The following SLC39A8 variants were observed in gnomAD, a reference collection of about 807,000 sequenced individuals.
The protein encoded by SLC39A8 is metal cation symporter ZIP8.
A neutral mutation model predicts 40.4 loss-of-function variants in SLC39A8; 15 were observed. The ratio of observed to expected loss-of-function variants is 0.37; its 90% confidence interval spans 0.25 to 0.57. The LOEUF (loss-of-function observed/expected upper bound fraction) is 0.57, where lower values mean the gene tolerates loss of function less well. Ranked by LOEUF, SLC39A8 falls within the 20% of genes least tolerant of loss-of-function variation. The pLI, the probability that SLC39A8 is intolerant of heterozygous loss-of-function variation, is 0.75. For missense variants in SLC39A8, 472 were observed against 558.8 expected, an observed-to-expected ratio of 0.84 and a Z score of 1.57; for synonymous variants, 223 against 221.6, an observed-to-expected ratio of 1.01 and a Z score of -0.06.
downstream of SLC39A8, among the ~76,000 whole-genome samples, chr4:102,257,628 G>C (rs1237291208): frequency 2.0e-5 from 3 of 152,134 alleles, no homozygotes; most frequent in African/African-American, 4.8e-5. Context: ...GTCTCTGGAG[G>C]CAAAAAGCAG....
chr4:102,254,698 A>G (rs1731670181), intron 11 of SLC39A8, among the ~76,000 whole-genome samples: 1 of 152,178 alleles, frequency 6.6e-6, no homozygotes, highest in Non-Finnish European at 1.5e-5. Flanking sequence ...TCCTACATTA[A>G]ACATCTTCCT....
rs1560523651 is a variant in SLC39A8, at chr4:102,262,570, T to A, written c.*474A>T. The stretch of plus-strand genomic sequence containing the variant: ...AGACTTGGAATAATTTATATTAGTG[T>A]TGCATACATTTTACCTTCTACATTT... On this transcript the variant is annotated 3_prime_UTR_variant, in exon 9 of 9. Coordinates refer to ENST00000356736, the MANE Select transcript of SLC39A8 (RefSeq NM_001135146.2). 1 of 985,380 alleles carries A rather than the reference T, an allele frequency of 1.0e-6. No homozygotes were observed. Among genetic ancestry groups the A allele is most frequent in the Non-Finnish European group, 1.2e-6 (1 of 829,724 alleles). 61.0% of individuals were successfully genotyped at this position (985,380 alleles called of 1,614,324 possible).
intron 3 of SLC39A8, 35 bp downstream of exon 3, chr4:102,315,631 CTT>C (rs758449379): frequency 2.6e-6 from 4 of 1,563,320 alleles, no homozygotes; most frequent in Middle Eastern, 1.7e-4. Context: ...GGTTCATAGA[CTT>C]TTCAAATAAA....
chr4:102,342,343 A>G (rs1270092569), intron 2 of SLC39A8, among the ~76,000 whole-genome samples: 3 of 152,232 alleles, frequency 2.0e-5, no homozygotes, highest in Non-Finnish European at 4.4e-5. Context: ...TCTACTAAAA[A>G]TACAAATTAG....
At chr4:102,315,931 G>T in intron 2 of SLC39A8, 101 bp from the exon 3 acceptor site, 1 of 964,296 alleles carries the variant, frequency 1.0e-6, no homozygotes. Context: ...TAGATGCACA[G>T]CACTCTTTAT....
intron 4 of SLC39A8, among the ~76,000 whole-genome samples, chr4:102,305,648 C>T (rs984736404): frequency 3.3e-5 from 5 of 151,940 alleles, no homozygotes; most frequent in African/African-American, 1.2e-4. Flanking sequence ...TAAATCAAGG[C>T]CTAGGCCCAA....
chr4:102,339,978 T>C (rs1198390585), intron 2 of SLC39A8, among the ~76,000 whole-genome samples: 1 of 152,238 alleles, frequency 6.6e-6, no homozygotes. Context: ...AAGGTCTGAT[T>C]GCAAAAATTC....
intron 6 of SLC39A8, among the ~76,000 whole-genome samples, chr4:102,296,455 A>G (rs1733680824): frequency 6.6e-6 from 1 of 152,058 alleles, no homozygotes; most frequent in African/African-American, 2.4e-5. Context: ...AAAAATGGTA[A>G]ATGGAAGAGG....
chr4:102,263,662 G>A (rs1438154341), intron 8 of SLC39A8, among the ~76,000 whole-genome samples: 2 of 152,094 alleles, frequency 1.3e-5, no homozygotes, highest in Non-Finnish European at 2.9e-5. Flanking sequence ...AGATTTCTCT[G>A]TAGTGTGCAA....
intron 6 of SLC39A8, among the ~76,000 whole-genome samples, chr4:102,296,976 T>C (rs959248397): frequency 6.6e-6 from 1 of 152,122 alleles, no homozygotes; most frequent in Non-Finnish European, 1.5e-5. Context: ...GGCCCACGCC[T>C]GTAGTCCTAA....
intron 2 of SLC39A8, among the ~76,000 whole-genome samples, chr4:102,338,236 G>T (rs1191313988): frequency 1.3e-5 from 2 of 150,444 alleles, no homozygotes; most frequent in African/African-American, 4.9e-5. Flanking sequence ...ACCCAGGCTG[G>T]AGTGCAGTGG....
At chr4:102,322,200 G>A (rs1734995502) in intron 2 of SLC39A8, among the ~76,000 whole-genome samples, 1 of 152,106 alleles carries the variant, frequency 6.6e-6, no homozygotes, top group South Asian at 2.1e-4. Context: ...TGTGAGTCTG[G>A]GGACATCTTA....
At chr4:102,333,647 G>A (rs1735558890) in intron 2 of SLC39A8, among the ~76,000 whole-genome samples, 2 of 152,168 alleles carry the variant, frequency 1.3e-5, no homozygotes, top group Admixed American at 6.5e-5. Context: ...GTTTAGACCT[G>A]TTGAGTTGGG....
chr4:102,315,765 G>C lies in SLC39A8; in HGVS notation c.285C>G (p.Ser95=). Residue 95 remains serine (S), a synonymous_variant, in exon 3 of 9, where the codon TCC becomes TCG. Coordinates refer to ENST00000356736, the MANE Select transcript of SLC39A8 (RefSeq NM_001135146.2). ...CTGCTGGACAGATGACAGAGAATTT[G>C]GAGCTGGTTATTTGGGTAGCATTTG... ...GFSNATQITS[S]KFSVICPAVL... 6.2e-7 allele frequency: 1 copy of C among 1,613,350 alleles called. No homozygotes were observed. The highest frequency in any genetic ancestry group is 8.5e-7 in the Non-Finnish European group (1 of 1,179,560).
At chr4:102,271,195 C>A (rs1162594951) in intron 6 of SLC39A8, among the ~76,000 whole-genome samples, 2 of 151,738 alleles carry the variant, frequency 1.3e-5, no homozygotes, top group Non-Finnish European at 2.9e-5. Flanking sequence ...GTAAGAGGAG[C>A]AGGAAGAGGA....
At chr4:102,320,184 T>TTCTC in intron 2 of SLC39A8, among the ~76,000 whole-genome samples, 2 of 95,544 alleles carry the variant, frequency 2.1e-5, no homozygotes, top group African/African-American at 3.6e-5. Context: ...TATATATATA[T>TTCTC]ATATATGTAT....
rs375280715 is a variant in SLC39A8 at position 102,267,969 on chromosome 4, G to A, written c.951C>T (p.Ile317=). The A allele has an allele frequency of 3.8e-5, 61 of 1,614,162 alleles. No homozygotes were observed. In the South Asian group the frequency reaches 4.2e-4, roughly 11 times the overall value. Reference sequence around the variant, plus strand: ...AGGAAGCCCCAATCGCCAGGCCATCGATGAAATTGTGGAGGGCATCGCAGA... The same window carrying A: ...AGGAAGCCCCAATCGCCAGGCCATCAATGAAATTGTGGAGGGCATCGCAGA... ...ITLCDALHNF[I]DGLAIGASCT... The change falls in exon 7 of 9, where the codon ATC becomes ATT. Residue 317 remains isoleucine (I), a synonymous_variant. Coordinates refer to ENST00000356736, the MANE Select transcript of SLC39A8 (RefSeq NM_001135146.2).
At position 102,304,892 on chromosome 4, in the gene SLC39A8, T is replaced by C. The variant is rs1284316859; in HGVS notation, c.675+97A>G. 4 of 1,097,594 alleles carry C rather than the reference T, an allele frequency of 3.6e-6. No homozygotes were observed. In the Admixed American group the frequency reaches 7.8e-5, roughly 21 times the overall value. 68.0% of individuals were successfully genotyped at this position (1,097,594 alleles called of 1,614,324 possible). ...CTCACAAGCCTAATAACTGGACCAT[T>C]CTCATAATTCTAAAAATAAAATTTC... On this transcript the variant is annotated intron_variant, in intron 5 of 8. Coordinates refer to ENST00000356736, the MANE Select transcript of SLC39A8 (RefSeq NM_001135146.2).
intron 6 of SLC39A8, among the ~76,000 whole-genome samples, chr4:102,270,394 G>A (rs1476492274): frequency 2.6e-5 from 4 of 152,046 alleles, no homozygotes; most frequent in Non-Finnish European, 4.4e-5. Context: ...TAATAGTTTT[G>A]GAACAAACCA....
Sources: allele counts gnomAD v4.1 joint callset (sites outside exome capture counted in the v4.1 genomes callset), GRCh38; gene constraint gnomAD v4.1.1; transcripts MANE v1.5; gene names NCBI Gene and HGNC (gene_info 2026-07-23, HGNC 2026-07-21).